SAV1: variants seen among roughly 807,000 people sequenced by gnomAD.
SAV1 encodes the protein salvador family WW domain containing protein 1, also known as protein salvador homolog 1.
Under a neutral mutation model 47.3 loss-of-function variants are expected in SAV1, and 23 were observed. That is an observed-to-expected ratio of 0.49 (90% confidence interval 0.35 to 0.69). SAV1 has a LOEUF of 0.69. SAV1 is among the 30% of genes least tolerant of loss of function. SAV1 has a pLI of 0.01. For missense variants in SAV1, 448 were observed against 457.4 expected (o/e 0.98, Z 0.19); for synonymous variants, 155 against 159.2 (o/e 0.97, Z 0.20).
At chr14:50,638,550 C>T (rs1316552155) in intron 4 of SAV1, among the ~76,000 whole-genome samples, 3 of 152,092 alleles carry the variant, frequency 2.0e-5, no homozygotes, top group Admixed American at 6.6e-5. Context: ...CCTAAGTCCC[C>T]TGCACCCACC....
At chr14:50,659,887 G>C (rs944078483) in intron 2 of SAV1, among the ~76,000 whole-genome samples, 9 of 152,064 alleles carry the variant, frequency 5.9e-5, no homozygotes, top group Non-Finnish European at 1.2e-4. Context: ...AATGATCCTA[G>C]ATCACACAGA....
chr14:50,668,080 G>GCCGCCGCCT lies in SAV1; in HGVS notation c.-122_-114dup, dbSNP rs1156232015. 3 of 633,106 alleles carry GCCGCCGCCT rather than the reference G, an allele frequency of 4.7e-6. No homozygotes were observed. Among genetic ancestry groups the GCCGCCGCCT allele is most frequent in the Non-Finnish European group, 6.8e-6 (3 of 442,974 alleles). The allele number at this position is 633,106 out of a possible 1,614,324, so 39.2% of individuals were successfully genotyped here. A position where few individuals can be genotyped will look rare whatever the true frequency, so the allele number is the denominator to read the frequency against. On this transcript the variant is annotated 5_prime_UTR_variant, in exon 1 of 5. Coordinates refer to ENST00000324679, the MANE Select transcript of SAV1 (RefSeq NM_021818.4). Reference sequence around the variant, plus strand: ...GCGCCGCCGCCTCCTTCCCTCCCGAGCCGCCGCCTCCGCCGCCGCCTGTCC... The same window carrying GCCGCCGCCT: ...GCGCCGCCGCCTCCTTCCCTCCCGAGCCGCCGCCTCCGCCGCCTCCGCCGCCGCCTGTCC...
chr14:50,655,413 T>C (rs1318770092), intron 2 of SAV1, among the ~76,000 whole-genome samples: 2 of 137,144 alleles, frequency 1.5e-5, no homozygotes, highest in East Asian at 4.3e-4. Flanking sequence ...ACTGCATTAT[T>C]AAAAACAAAA....
chr14:50,655,523 T>C (rs1241814508), intron 2 of SAV1, among the ~76,000 whole-genome samples: 1 of 151,662 alleles, frequency 6.6e-6, no homozygotes, highest in Non-Finnish European at 1.5e-5. Flanking sequence ...CCTCTCAGGT[T>C]CAAGCGATTC....
chr14:50,646,018 A>T (rs1842553523), intron 2 of SAV1, among the ~76,000 whole-genome samples: 1 of 152,214 alleles, frequency 6.6e-6, no homozygotes, highest in Admixed American at 6.5e-5. Flanking sequence ...GGAAGATTCG[A>T]CATAAAGTTA....
chr14:50,647,692 G>C (rs2039734339), intron 2 of SAV1, among the ~76,000 whole-genome samples: 1 of 151,922 alleles, frequency 6.6e-6, no homozygotes, highest in South Asian at 2.1e-4. Context: ...AAATGCTCAG[G>C]ATCATAATTA....
chr14:50,646,591 C>A (rs1158746339), intron 2 of SAV1, among the ~76,000 whole-genome samples: 1 of 148,644 alleles, frequency 6.7e-6, no homozygotes, highest in African/African-American at 2.5e-5. Context: ...GAGGCTGAGG[C>A]AGGAGAATTG....
chr14:50,664,552 T>A (rs182034054), intron 2 of SAV1: 1 of 152,236 alleles, frequency 6.6e-6, no homozygotes, highest in Non-Finnish European at 1.5e-5. Flanking sequence ...TCAGGAGATA[T>A]GGAAAGTACC....
chr14:50,655,246 A>C (rs745931981), intron 2 of SAV1, among the ~76,000 whole-genome samples: 1 of 152,238 alleles, frequency 6.6e-6, no homozygotes, highest in African/African-American at 2.4e-5. Context: ...CATTATGTTA[A>C]AAATGCTTTA....
At chr14:50,667,826 CACCTGG>C (rs1566750248) in intron 1 of SAV1, 42 bp downstream of exon 1, 1 of 1,528,758 alleles carries the variant, frequency 6.5e-7, no homozygotes, top group Non-Finnish European at 9.0e-7. Context: ...GTCCCCGGAG[CACCTGG>C]CCGCCTGGGC....
At chr14:50,663,630 A>G (rs564263009) in intron 2 of SAV1, among the ~76,000 whole-genome samples, 3 of 152,304 alleles carry the variant, frequency 2.0e-5, no homozygotes, top group Admixed American at 6.5e-5. Context: ...AACTTCAGTG[A>G]TCTGCTTTCT....
rs1488247005 is a variant in SAV1, at chr14:50,646,198, T to A, written c.536-1184A>T. ...CGTATCTATGATGAAGTTTAACTTA[T>A]AAATTAGGCACAGTAAGGGATTAAC... is the stretch of plus-strand genomic sequence containing the variant. On this transcript the variant is annotated intron_variant, in intron 2 of 4. Coordinates refer to ENST00000324679, the MANE Select transcript of SAV1 (RefSeq NM_021818.4). Among the ~76,000 whole-genome samples the A allele has an allele frequency of 2.6e-5, 4 of 152,274 alleles. No homozygotes were observed. In the East Asian group the frequency reaches 7.7e-4, roughly 29 times the overall value.
chr14:50,656,889 C>T (rs767170840), intron 2 of SAV1, among the ~76,000 whole-genome samples: 2 of 152,046 alleles, frequency 1.3e-5, no homozygotes, highest in African/African-American at 2.4e-5. Context: ...AAAACAGATC[C>T]AGAAGATTAA....
chr14:50,667,656 T>TG (rs1159678854), intron 1 of SAV1, among the ~76,000 whole-genome samples: 1 of 54,418 alleles, frequency 1.8e-5, no homozygotes, highest in East Asian at 5.8e-4. Context: ...GGGGTGCTCT[T>TG]GGGGGGGTTA....
intron 2 of SAV1, among the ~76,000 whole-genome samples, chr14:50,657,912 C>G (rs2039826888): frequency 6.6e-6 from 1 of 152,188 alleles, no homozygotes; most frequent in African/African-American, 2.4e-5. Context: ...TTTATGAGAT[C>G]TACCATTATG....
chr14:50,657,407 G>T (rs914379080), intron 2 of SAV1, among the ~76,000 whole-genome samples: 2 of 152,130 alleles, frequency 1.3e-5, no homozygotes, highest in African/African-American at 4.8e-5. Flanking sequence ...TGCTCTAGGA[G>T]GTAGTACTAT....
intron 2 of SAV1, among the ~76,000 whole-genome samples, chr14:50,656,505 C>T (rs1420486393): frequency 1.4e-5 from 2 of 147,850 alleles, no homozygotes; most frequent in Admixed American, 6.8e-5. Context: ...TGCGGTGGCG[C>T]GATCTCCGCT....
chr14:50,637,161 G>A (rs968196328), intron 4 of SAV1, among the ~76,000 whole-genome samples: 1 of 152,108 alleles, frequency 6.6e-6, no homozygotes, highest in African/African-American at 2.4e-5. Context: ...TATTTAATTG[G>A]ACTGCCAATT....
intron 2 of SAV1, among the ~76,000 whole-genome samples, chr14:50,655,991 G>A (rs530644775): frequency 6.6e-6 from 1 of 152,322 alleles, no homozygotes; most frequent in South Asian, 2.1e-4. Flanking sequence ...GTTGTGGTGA[G>A]CCAAGATCGT....
Sources: gnomAD v4.1 joint callset for allele counts (sites outside exome capture counted in the v4.1 genomes callset) on GRCh38, gnomAD v4.1.1 for gene constraint, MANE v1.5 for transcripts, NCBI Gene and HGNC (gene_info 2026-07-23, HGNC 2026-07-21) for gene names.